The following ERICH5 variants were observed in gnomAD, a reference collection of about 807,000 sequenced individuals.
ERICH5 encodes the protein glutamate rich 5, also known as glutamate-rich protein 5.
In ERICH5, 24 loss-of-function variants were observed where a neutral mutation model predicts 28.0. That is an observed-to-expected ratio of 0.86 (90% CI 0.62 to 1.21). The LOEUF (loss-of-function observed/expected upper bound fraction) is 1.21. Among genes scored for constraint, ERICH5 ranks in the 50% most tolerant of loss-of-function variants. ERICH5 has a pLI of 0.00. For synonymous variants in ERICH5, 163 were observed against 157.6 expected, an observed-to-expected ratio of 1.03 and a Z score of -0.25; for missense variants, 421 against 441.2, an observed-to-expected ratio of 0.95 and a Z score of 0.41.
chr8:98,092,556 C>T (rs1294046396), intron 2 of ERICH5, among the ~76,000 whole-genome samples: 1 of 152,196 alleles, frequency 6.6e-6, no homozygotes, highest in Non-Finnish European at 1.5e-5. Flanking sequence ...CCTCTTGCCT[C>T]AGCTTGCCAA....
chr8:98,089,021 A>G, intron 1 of ERICH5, 55 bp from the exon 2 acceptor site: 1 of 1,336,638 alleles, frequency 7.5e-7, no homozygotes, highest in Non-Finnish European at 1.0e-6. Context: ...AGATAAAACT[A>G]AACAATAATT....
chr8:98,091,943 TTC>T (rs1563759693), intron 2 of ERICH5, among the ~76,000 whole-genome samples: 4 of 29,652 alleles, frequency 1.3e-4, no homozygotes, highest in African/African-American at 3.1e-4. Flanking sequence ...CTTCCTTTCT[TTC>T]TTTCTTCTTT....
chr8:98,073,239 T>C (rs891371250), intron 1 of ERICH5, among the ~76,000 whole-genome samples: 2 of 151,078 alleles, frequency 1.3e-5, no homozygotes, highest in Non-Finnish European at 2.9e-5. Flanking sequence ...TAGTACTTCA[T>C]AGAGTTGAGG....
intron 1 of ERICH5, among the ~76,000 whole-genome samples, chr8:98,080,605 C>T (rs1232210169): frequency 6.6e-6 from 1 of 151,808 alleles, no homozygotes; most frequent in Non-Finnish European, 1.5e-5. Context: ...TCACCTTCTT[C>T]TCCTTCTCCT....
rs67893989 is a variant in ERICH5 at position 98,091,834 on chromosome 8, CTT to C, written c.1013-1383_1013-1382del. 3.6e-3 allele frequency among the ~76,000 whole-genome samples: 489 copies of C among 134,372 alleles called. 2 individuals carry two copies. The highest frequency in any genetic ancestry group is 5.7e-3 in the Admixed American group (76 of 13,232). The allele number at this position is 134,372 out of a possible 152,430, so 88.2% of individuals were successfully genotyped here. ...TTAGACTTTCTTTTTCTTTCTTTTTCTTTTTCTTTCTTTCTTTCTTTCTTTCT... is the reference window on the plus strand; with the variant it reads ...TTAGACTTTCTTTTTCTTTCTTTTTCTTTCTTTCTTTCTTTCTTTCTTTCT... On this transcript the variant is annotated intron_variant, in intron 2 of 2. Coordinates refer to ENST00000318528, the MANE Select transcript of ERICH5 (RefSeq NM_173549.3).
chr8:98,079,166 C>CTTTTTTTTT (rs528062932), intron 1 of ERICH5, among the ~76,000 whole-genome samples: 3 of 75,576 alleles, frequency 4.0e-5, no homozygotes, highest in Admixed American at 1.5e-4. Flanking sequence ...TTTTTTTTTC[C>CTTTTTTTTT]TTTTTTTTTT....
intron 1 of ERICH5, among the ~76,000 whole-genome samples, chr8:98,075,109 G>A (rs1221385543): frequency 6.6e-6 from 1 of 152,146 alleles, no homozygotes. Flanking sequence ...GAAGACCACA[G>A]AGATAAACTG....
chr8:98,077,091 T>G (rs2130517771), intron 1 of ERICH5, among the ~76,000 whole-genome samples: 2 of 137,532 alleles, frequency 1.5e-5, no homozygotes, highest in South Asian at 5.1e-4. Flanking sequence ...AGCGAGGCCC[T>G]GTCTCTATTA....
chr8:98,064,645 G>A lies in ERICH5; in HGVS notation c.-25G>A. ...TCCGGGCCGACACCCGCGCAGGGCT[G>A]AGACAGGTGTCTGCGCTCCCCGCAA... On this transcript the variant is annotated 5_prime_UTR_variant, in exon 1 of 3. Coordinates refer to ENST00000318528, the MANE Select transcript of ERICH5 (RefSeq NM_173549.3). 1.3e-6 allele frequency: 2 copies of A among 1,514,180 alleles called. No individual in the cohort carries two copies. Among genetic ancestry groups the A allele is most frequent in the Non-Finnish European group, 1.8e-6 (2 of 1,127,568 alleles). The allele number at this position is 1,514,180 out of a possible 1,614,324, so 93.8% of individuals were successfully genotyped here.
At chr8:98,073,776 C>T (rs1814996517) in intron 1 of ERICH5, among the ~76,000 whole-genome samples, 1 of 150,880 alleles carries the variant, frequency 6.6e-6, no homozygotes, top group South Asian at 2.1e-4. Flanking sequence ...CTCCTGACCT[C>T]AGGTGATCCA....
At chr8:98,091,892 CTTT>C (rs1174084315) in intron 2 of ERICH5, among the ~76,000 whole-genome samples, 1,708 of 52,512 alleles carry the variant, frequency 0.033, 25 homozygotes, top group Non-Finnish European at 0.035. Flanking sequence ...TTCTTTCTTT[CTTT>C]CTTTCCTTTC....
intron 1 of ERICH5, among the ~76,000 whole-genome samples, chr8:98,070,591 C>T (rs1586197786): frequency 7.5e-6 from 1 of 132,688 alleles, no homozygotes; most frequent in South Asian, 2.5e-4. Flanking sequence ...GCAGGAGAAT[C>T]GCTTGAACCA....
chr8:98,081,174 TG>T (rs1815178194), intron 1 of ERICH5, among the ~76,000 whole-genome samples: 1 of 152,034 alleles, frequency 6.6e-6, no homozygotes, highest in Admixed American at 6.6e-5. Context: ...GGCACAATCA[TG>T]GCTCACTGTG....
intron 1 of ERICH5, among the ~76,000 whole-genome samples, chr8:98,083,759 A>C (rs1473900973): frequency 6.6e-6 from 1 of 152,214 alleles, no homozygotes; most frequent in Non-Finnish European, 1.5e-5. Flanking sequence ...TTATACGTCC[A>C]ACAGCCTCCC....
chr8:98,083,659 T>A (rs1298309253), intron 1 of ERICH5, among the ~76,000 whole-genome samples: 1 of 152,124 alleles, frequency 6.6e-6, no homozygotes, highest in East Asian at 1.9e-4. Context: ...CAGGAACCTC[T>A]ATGTAAAACT....
rs1814781680 is a variant in ERICH5 at position 98,064,583 on chromosome 8, T to C, written c.-87T>C. ...GCCGGGCTGCAGAGCTGGAGAAACT[T>C]CCGCGGCTACGGGTGCAGTTGCCTT... On this transcript the variant is annotated 5_prime_UTR_variant, in exon 1 of 3. Coordinates refer to ENST00000318528, the MANE Select transcript of ERICH5 (RefSeq NM_173549.3). The C allele has an allele frequency of 2.0e-5, 24 of 1,209,108 alleles. No homozygotes were observed. In the South Asian group the frequency reaches 3.8e-4, roughly 19 times the overall value. 74.9% of individuals were successfully genotyped at this position (1,209,108 alleles called of 1,614,324 possible).
At chr8:98,072,734 G>A (rs1430713635) in intron 1 of ERICH5, among the ~76,000 whole-genome samples, 2 of 152,194 alleles carry the variant, frequency 1.3e-5, no homozygotes, top group African/African-American at 4.8e-5. Context: ...TTTGCTTAGA[G>A]ATAACATCTG....
chr8:98,090,844 T>G (rs761169915), intron 2 of ERICH5, among the ~76,000 whole-genome samples: 24 of 152,194 alleles, frequency 1.6e-4, no homozygotes, highest in Admixed American at 5.2e-4. Context: ...TTTTGGTAAA[T>G]TTTAGCTTCA....
Position 98,070,161 on chromosome 8 carries a change from A to G in ERICH5, c.58+5434A>G, listed in dbSNP as rs1211806692. Among the ~76,000 whole-genome samples, 6 of 152,082 alleles carry G rather than the reference A, an allele frequency of 3.9e-5. 1 individual carries two copies. The highest frequency in any genetic ancestry group is 3.3e-4 in the Admixed American group (5 of 15,256). ...CTCCAAAGCCCCTGTTCTTTTCACA[A>G]CTTCCAGTTCCATCTGGGATCTGGT... On this transcript the variant is annotated intron_variant, in intron 1 of 2. Coordinates refer to ENST00000318528, the MANE Select transcript of ERICH5 (RefSeq NM_173549.3).
Sources: gnomAD v4.1 joint callset for allele counts (sites outside exome capture counted in the v4.1 genomes callset) on GRCh38, gnomAD v4.1.1 for gene constraint, MANE v1.5 for transcripts, NCBI Gene and HGNC (gene_info 2026-07-23, HGNC 2026-07-21) for gene names.